CYTH3: variants seen among roughly 807,000 people sequenced by gnomAD.
The protein encoded by CYTH3 is cytohesin 3.
Under a neutral mutation model 55.1 loss-of-function variants are expected in CYTH3, and 23 were observed. The ratio of observed to expected loss-of-function variants is 0.42; its 90% CI spans 0.30 to 0.59. CYTH3 has a LOEUF of 0.59. CYTH3 is among the 20% of genes least tolerant of loss of function. The pLI, the probability that CYTH3 is intolerant of heterozygous loss-of-function variation, is 0.20. For missense variants in CYTH3, 413 were observed against 524.8 expected (o/e 0.79, Z 2.08); for synonymous variants, 249 against 194.9 (o/e 1.28, Z -2.31).
chr7:6,209,320 A>C (rs1480062698), intron 1 of CYTH3, among the ~76,000 whole-genome samples: 1 of 152,246 alleles, frequency 6.6e-6, no homozygotes, highest in African/African-American at 2.4e-5. Context: ...CAAAACAAAA[A>C]ATATTGTAAG....
At chr7:6,172,307 GC>G (rs536234020) in intron 6 of CYTH3, among the ~76,000 whole-genome samples, 87 of 151,894 alleles carry the variant, frequency 5.7e-4, no homozygotes, top group African/African-American at 2.1e-3. Flanking sequence ...GCCACGTCTG[GC>G]CCCACTCTCT....
At chr7:6,165,065 ACCTCC>A in intron 12 of CYTH3, 49 bp from the exon 13 acceptor site, 1 of 1,609,814 alleles carries the variant, frequency 6.2e-7, no homozygotes, top group East Asian at 2.2e-5. Flanking sequence ...TGACACACAG[ACCTCC>A]CCTTTCCCAC....
rs942668643 is a variant in CYTH3, at chr7:6,167,866, T to C, written c.824-2056A>G. On this transcript the variant is annotated intron_variant, in intron 9 of 12. Transcript: ENST00000350796. The surrounding 1 kb of genome is among the most constrained non-coding windows in gnomAD (Gnocchi z 5.5). ...CCCCGCCTGGGAGGGGTCTGCCAGG[T>C]GGCCTCTCAGCTCCACCTTGGGTCC... 1.1e-4 allele frequency among the ~76,000 whole-genome samples: 16 copies of C among 152,180 alleles called. No homozygotes were observed. Among genetic ancestry groups the C allele is most frequent in the African/African-American group, 3.9e-4 (16 of 41,454 alleles).
chr7:6,207,877 A>G (rs1205919144), intron 1 of CYTH3, among the ~76,000 whole-genome samples: 3 of 149,456 alleles, frequency 2.0e-5, no homozygotes. Flanking sequence ...TTAAACCCAG[A>G]AAGCGGAGGT....
chr7:6,254,079 G>C (rs937920210), intron 1 of CYTH3, among the ~76,000 whole-genome samples: 1 of 152,096 alleles, frequency 6.6e-6, no homozygotes, highest in African/African-American at 2.4e-5. Context: ...CTACTCAGGA[G>C]GGTGAGGCAG....
intron 1 of CYTH3, among the ~76,000 whole-genome samples, chr7:6,224,630 A>G (rs374840493): frequency 4.1e-4 from 63 of 152,256 alleles, no homozygotes; most frequent in Non-Finnish European, 7.3e-4. Context: ...AAATGGTTCC[A>G]TTTTTGTCGC....
chr7:6,239,131 T>C (rs1488139275), intron 1 of CYTH3, among the ~76,000 whole-genome samples: 1 of 152,156 alleles, frequency 6.6e-6, no homozygotes. Context: ...GGAGGATCAC[T>C]TGAGCCAGGA....
intron 1 of CYTH3, among the ~76,000 whole-genome samples, chr7:6,195,918 G>A (rs1446784529): frequency 2.0e-5 from 3 of 152,208 alleles, no homozygotes; most frequent in Admixed American, 6.5e-5. Context: ...AGTCCACGTA[G>A]AATAAGCTCA....
intron 1 of CYTH3, among the ~76,000 whole-genome samples, chr7:6,255,679 T>A (rs1464752389): frequency 6.6e-6 from 1 of 151,432 alleles, no homozygotes; most frequent in Non-Finnish European, 1.5e-5. Context: ...AAGTCTCTTA[T>A]GAAATTAAGG....
chr7:6,170,584 C>T lies in CYTH3; in HGVS notation c.774G>A (p.Leu258=), dbSNP rs1783151215. Residue 258 remains leucine (L), a synonymous_variant, in exon 9 of 13, where the codon CTG becomes CTA. Transcript: ENST00000350796. The surrounding 1 kb of genome is among the most constrained non-coding windows in gnomAD (Gnocchi z 7.8). ...GGTCGGGGTTGAAGAAGGTGTGGGT[C>T]AGGTCGTTCCCGTCGTCCTCCGGGA... ...FKIPEDDGND[L]THTFFNPDRE... The T allele has an allele frequency of 6.2e-7, 1 of 1,614,032 alleles. No individual in the cohort carries two copies. The highest frequency in any genetic ancestry group is 1.1e-5 in the South Asian group (1 of 91,080).
intron 1 of CYTH3, among the ~76,000 whole-genome samples, chr7:6,267,917 T>C (rs1316300118): frequency 6.6e-6 from 1 of 152,184 alleles, no homozygotes; most frequent in Non-Finnish European, 1.5e-5. Context: ...TTTCCAATTT[T>C]AGAAAAAGTG....
At chr7:6,215,332 T>C (rs1171987295) in intron 1 of CYTH3, among the ~76,000 whole-genome samples, 3 of 152,188 alleles carry the variant, frequency 2.0e-5, no homozygotes, top group African/African-American at 7.2e-5. Flanking sequence ...GGCTCACGCC[T>C]GTAATCCCAG....
intron 1 of CYTH3, among the ~76,000 whole-genome samples, chr7:6,270,550 C>A (rs941503837): frequency 6.6e-6 from 1 of 152,142 alleles, no homozygotes; most frequent in Non-Finnish European, 1.5e-5. Context: ...CATAATGTCA[C>A]CAATGTTTAT....
At chr7:6,271,663 C>T (rs745363138) in intron 1 of CYTH3, among the ~76,000 whole-genome samples, 1 of 152,116 alleles carries the variant, frequency 6.6e-6, no homozygotes, top group Admixed American at 6.5e-5. Flanking sequence ...TAATTTCCAA[C>T]AAACACGATT....
At chr7:6,207,504 C>T (rs1206626561) in intron 1 of CYTH3, among the ~76,000 whole-genome samples, 1 of 152,128 alleles carries the variant, frequency 6.6e-6, no homozygotes, top group African/African-American at 2.4e-5. Context: ...GTGGCACACA[C>T]CTGTAATCCC....
intron 1 of CYTH3, among the ~76,000 whole-genome samples, chr7:6,199,800 T>A (rs905173775): frequency 6.6e-6 from 1 of 152,168 alleles, no homozygotes; most frequent in African/African-American, 2.4e-5. Flanking sequence ...GCAGAAATAA[T>A]ACGACATGTA....
chr7:6,224,121 G>A (rs778612924), intron 1 of CYTH3, among the ~76,000 whole-genome samples: 14 of 151,978 alleles, frequency 9.2e-5, no homozygotes, highest in South Asian at 2.1e-4. Context: ...GGACTCAAGC[G>A]ATCCCCCTGC....
intron 1 of CYTH3, among the ~76,000 whole-genome samples, chr7:6,208,475 G>C (rs2128548633): frequency 6.6e-6 from 1 of 152,308 alleles, no homozygotes; most frequent in African/African-American, 2.4e-5. Context: ...AAGGGCCAAG[G>C]ACATAGCCAG....
At chr7:6,208,201 C>T (rs780712918) in intron 1 of CYTH3, among the ~76,000 whole-genome samples, 22 of 152,130 alleles carry the variant, frequency 1.4e-4, no homozygotes, top group Non-Finnish European at 2.8e-4. Flanking sequence ...AATAAACTAG[C>T]AATCAGGGCA....
Sources: gnomAD v4.1 joint callset for allele counts (sites outside exome capture counted in the v4.1 genomes callset) on GRCh38, gnomAD v4.1.1 for gene constraint, Gnocchi (gnomAD v3.1) non-coding constraint, MANE v1.5 for transcripts, NCBI Gene and HGNC (gene_info 2026-07-23, HGNC 2026-07-21) for gene names.